The following CCNY variants were observed in gnomAD, a reference collection of about 807,000 sequenced individuals.
CCNY encodes the protein cyclin-Y.
A neutral mutation model predicts 42.8 loss-of-function variants in CCNY; 19 were observed. The ratio of observed to expected loss-of-function variants is 0.44; its 90% CI spans 0.31 to 0.65. CCNY has a LOEUF of 0.65. Ranked by LOEUF, CCNY falls within the 30% of genes least tolerant of loss-of-function variation. The pLI, the probability that CCNY is intolerant of heterozygous loss-of-function variation, is 0.07. For synonymous variants in CCNY, 165 were observed against 162.7 expected, an observed-to-expected ratio of 1.01 and a Z score of -0.11; for missense variants, 370 against 437.3, an observed-to-expected ratio of 0.85 and a Z score of 1.37.
chr10:35,404,509 A>G (rs1837714661), intron 1 of CCNY, among the ~76,000 whole-genome samples: 1 of 152,152 alleles, frequency 6.6e-6, no homozygotes, highest in African/African-American at 2.4e-5. Flanking sequence ...GGCCGTCAAT[A>G]CCCACAACAG....
In CCNY at chr10:35,391,264, G is replaced by A. The variant is rs117048631; in HGVS notation, c.154+54057G>A. On this transcript the variant is annotated intron_variant, in intron 1 of 9. Coordinates refer to ENST00000374704, the MANE Select transcript of CCNY (RefSeq NM_145012.6). ...TTCCCCTATTGGCTAGGGTTGGACC[G>A]CACAGTTTAAGCCAATTCTGATTGG... Among the ~76,000 whole-genome samples the A allele has an allele frequency of 5.6e-3, 852 of 152,290 alleles. 8 individuals are homozygous for A. Among genetic ancestry groups the A allele is most frequent in the Middle Eastern group, 0.01 (3 of 294 alleles).
At chr10:35,424,079 C>T (rs1257408522) in intron 1 of CCNY, among the ~76,000 whole-genome samples, 1 of 151,830 alleles carries the variant, frequency 6.6e-6, no homozygotes, top group African/African-American at 2.4e-5. Context: ...TGTGTGGACT[C>T]TCGGAGCCTC....
chr10:35,390,938 C>A (rs16936011), intron 1 of CCNY, among the ~76,000 whole-genome samples: 2,632 of 152,296 alleles, frequency 0.017, 64 homozygotes, highest in East Asian at 0.056. Context: ...GTCCAGGAAT[C>A]CCTCTGGGAA....
chr10:35,378,421 G>T (rs1027715108), intron 1 of CCNY, among the ~76,000 whole-genome samples: 2 of 152,034 alleles, frequency 1.3e-5, no homozygotes, highest in African/African-American at 4.8e-5. Flanking sequence ...CAATATAAAA[G>T]AAAAAAGGAT....
intron 2 of CCNY, among the ~76,000 whole-genome samples, chr10:35,495,410 A>G (rs970767442): frequency 6.6e-6 from 1 of 152,136 alleles, no homozygotes; most frequent in African/African-American, 2.4e-5. Flanking sequence ...GCTTAGGTGG[A>G]TATTTGTTCT....
chr10:35,529,766 A>C (rs1289454434), intron 5 of CCNY, among the ~76,000 whole-genome samples: 1 of 152,020 alleles, frequency 6.6e-6, no homozygotes, highest in Non-Finnish European at 1.5e-5. Context: ...GCTAATTGGA[A>C]GGCTGAAGCA....
intron 1 of CCNY, among the ~76,000 whole-genome samples, chr10:35,460,428 T>C (rs1839132629): frequency 6.7e-6 from 1 of 149,422 alleles, no homozygotes; most frequent in Admixed American, 6.7e-5. Context: ...TGGGCCACAT[T>C]GGAAGAAGAA....
intron 1 of CCNY, among the ~76,000 whole-genome samples, chr10:35,373,798 G>A (rs1836990874): frequency 6.6e-6 from 1 of 150,412 alleles, no homozygotes; most frequent in Non-Finnish European, 1.5e-5. Context: ...TTATAGGTAA[G>A]GGTTGCAGTC....
chr10:35,346,241 C>G (rs368076937), intron 1 of CCNY, among the ~76,000 whole-genome samples: 2 of 152,204 alleles, frequency 1.3e-5, no homozygotes, highest in Non-Finnish European at 2.9e-5. Flanking sequence ...GCTAGACCCA[C>G]AATTGCAGGG....
At chr10:35,287,657 T>C (rs1209727858) in intron 3 of CCNY, among the ~76,000 whole-genome samples, 1 of 152,228 alleles carries the variant, frequency 6.6e-6, no homozygotes, top group Non-Finnish European at 1.5e-5. Context: ...GTTGGGTCTA[T>C]CAGTAGTTCA....
intron 3 of CCNY, among the ~76,000 whole-genome samples, chr10:35,322,127 G>A (rs1218523803): frequency 3.9e-5 from 6 of 152,156 alleles, no homozygotes; most frequent in Non-Finnish European, 7.3e-5. Context: ...AGAACGAAGC[G>A]GGTGGATCAC....
chr10:35,367,789 C>T (rs1428910476), intron 1 of CCNY, among the ~76,000 whole-genome samples: 1 of 152,180 alleles, frequency 6.6e-6, no homozygotes, highest in Non-Finnish European at 1.5e-5. Context: ...TTTTCCTAAA[C>T]CTGAAAAAGG....
intron 3 of CCNY, among the ~76,000 whole-genome samples, chr10:35,278,415 C>T (rs1835263141): frequency 6.6e-6 from 1 of 151,484 alleles, no homozygotes; most frequent in Admixed American, 6.6e-5. Context: ...CCATACTCCG[C>T]CCAACACTAG....
At chr10:35,544,673 G>A (rs1417549468) in intron 7 of CCNY, among the ~76,000 whole-genome samples, 1 of 152,192 alleles carries the variant, frequency 6.6e-6, no homozygotes, top group Admixed American at 6.5e-5. Flanking sequence ...AAATTCCAGA[G>A]TCCCAGAAGG....
chr10:35,421,631 G>A (rs910014260), intron 1 of CCNY, among the ~76,000 whole-genome samples: 3 of 152,132 alleles, frequency 2.0e-5, no homozygotes, highest in African/African-American at 7.2e-5. Context: ...CGTGTTGCCT[G>A]GTGCTCTTCT....
intron 3 of CCNY, among the ~76,000 whole-genome samples, chr10:35,275,049 G>A (rs111835079): frequency 0.035 from 4,701 of 135,056 alleles, 255 homozygotes; most frequent in African/African-American, 0.12. Flanking sequence ...TTGATTCACC[G>A]TCATTCCTTT....
At chr10:35,247,899 AAAG>A (rs2135017390) in intron 1 of CCNY, among the ~76,000 whole-genome samples, 2 of 151,174 alleles carry the variant, frequency 1.3e-5, no homozygotes, top group East Asian at 3.9e-4. Context: ...AAAGAAAAGA[AAAG>A]AAAGAAAGAA....
intron 1 of CCNY, among the ~76,000 whole-genome samples, chr10:35,433,468 C>T (rs1838458135): frequency 6.6e-6 from 1 of 152,016 alleles, no homozygotes; most frequent in Non-Finnish European, 1.5e-5. Flanking sequence ...TATAACACAA[C>T]AGTCATCAAA....
intron 3 of CCNY, among the ~76,000 whole-genome samples, chr10:35,293,710 C>T (rs779938229): frequency 1.6e-4 from 24 of 151,426 alleles, no homozygotes; most frequent in Non-Finnish European, 3.5e-4. Flanking sequence ...ATCACTTTTT[C>T]TTGAGCTATT....
Sources: allele counts gnomAD v4.1 joint callset (sites outside exome capture counted in the v4.1 genomes callset), GRCh38; gene constraint gnomAD v4.1.1; transcripts MANE v1.5; gene names NCBI Gene and HGNC (gene_info 2026-07-23, HGNC 2026-07-21).